UBE2L3: variants seen among roughly 807,000 people sequenced by gnomAD.
The protein encoded by UBE2L3 is ubiquitin conjugating enzyme E2 L3, also known as ubiquitin-conjugating enzyme E2 L3.
In UBE2L3, 1 loss-of-function variant was observed where a neutral mutation model predicts 17.8. The observed-to-expected ratio is 0.06, with a 90% CI of 0.02 to 0.27. The LOEUF (loss-of-function observed/expected upper bound fraction) is 0.27, where lower values mean the gene tolerates loss of function less well. UBE2L3 is among the 10% of genes least tolerant of loss of function. The pLI, the probability that UBE2L3 is intolerant of heterozygous loss-of-function variation, is 1.00. For synonymous variants in UBE2L3, 44 were observed against 68.5 expected (o/e 0.64, Z 1.76); for missense variants, 40 against 192.6 (o/e 0.21, Z 4.69).
intron 1 of UBE2L3, among the ~76,000 whole-genome samples, chr22:21,583,132 C>G (rs564275582): frequency 6.6e-6 from 1 of 152,298 alleles, no homozygotes; most frequent in South Asian, 2.1e-4. Flanking sequence ...CTTTCTGCTT[C>G]CCTAACGCCC....
intron 2 of UBE2L3, among the ~76,000 whole-genome samples, chr22:21,602,537 G>A (rs1169001664): frequency 6.6e-6 from 1 of 152,190 alleles, no homozygotes; most frequent in African/African-American, 2.4e-5. Flanking sequence ...AGTGGAATGG[G>A]GTTTTAGGAT....
chr22:21,612,516 G>A (rs1266448043), intron 3 of UBE2L3, among the ~76,000 whole-genome samples: 1 of 151,278 alleles, frequency 6.6e-6, no homozygotes, highest in Non-Finnish European at 1.5e-5. Context: ...TAGTAGAGAC[G>A]GGGTTTCACC....
At chr22:21,583,758 T>C (rs1455501863) in intron 1 of UBE2L3, among the ~76,000 whole-genome samples, 2 of 152,234 alleles carry the variant, frequency 1.3e-5, no homozygotes, top group Non-Finnish European at 2.9e-5. Context: ...AAGGTAGCAT[T>C]AAAGAGTTTG....
chr22:21,563,272 C>T (rs982093001), upstream of UBE2L3, among the ~76,000 whole-genome samples: 1 of 137,612 alleles, frequency 7.3e-6, no homozygotes, highest in Admixed American at 7.5e-5. Context: ...TTATTACTGG[C>T]CGGGTGTGGT....
intron 2 of UBE2L3, among the ~76,000 whole-genome samples, chr22:21,609,166 G>C (rs1382453052): frequency 6.6e-6 from 1 of 152,080 alleles, no homozygotes; most frequent in Non-Finnish European, 1.5e-5. Context: ...CAAAGTGCTG[G>C]GATTACAGGC....
chr22:21,593,040 G>A (rs918634955), intron 2 of UBE2L3, 84 bp downstream of exon 2: 6 of 1,219,680 alleles, frequency 4.9e-6, no homozygotes, highest in South Asian at 1.2e-5. Context: ...CTGCTCCTTA[G>A]TAGGCTCTTA....
At chr22:21,589,555 G>A (rs1246431342) in intron 1 of UBE2L3, among the ~76,000 whole-genome samples, 1 of 152,194 alleles carries the variant, frequency 6.6e-6, no homozygotes, top group Non-Finnish European at 1.5e-5. Flanking sequence ...AGTAGAAGCT[G>A]TAGAGGATGT....
rs139723991 is a variant in UBE2L3 at position 21,593,189 on chromosome 22, T to G, written c.123+233T>G. Reference sequence around the variant, plus strand: ...CAGGGAGTCCTGAGCTTTGCAGATCTGTAGACACAGAGAAAAGGAGTGTGT... The same window carrying G: ...CAGGGAGTCCTGAGCTTTGCAGATCGGTAGACACAGAGAAAAGGAGTGTGT... On this transcript the variant is annotated intron_variant, in intron 2 of 3. Transcript: ENST00000342192. 7.0e-3 allele frequency among the ~76,000 whole-genome samples: 1,067 copies of G among 152,234 alleles called. 5 individuals carry two copies. The highest frequency in any genetic ancestry group is 0.02 in the Middle Eastern group (6 of 294).
At chr22:21,567,988 G>A in intron 1 of UBE2L3, 1 of 1,364,956 alleles carries the variant, frequency 7.3e-7, no homozygotes, top group Non-Finnish European at 9.4e-7. Context: ...AGCCGCTGTC[G>A]GCCCCTCAGC....
intron 1 of UBE2L3, among the ~76,000 whole-genome samples, chr22:21,556,989 G>T (rs1416240786): frequency 3.9e-5 from 6 of 152,250 alleles, no homozygotes; most frequent in Non-Finnish European, 8.8e-5. Context: ...AGGAGGTGGA[G>T]GTTGCAGTGA....
At chr22:21,567,680 G>A (rs1601389381), upstream of UBE2L3, 1 of 1,554,088 alleles carries the variant, frequency 6.4e-7, no homozygotes, top group Non-Finnish European at 8.7e-7. Context: ...TCCAGGAAGT[G>A]CGGGGGCTCC....
chr22:21,597,916 A>G (rs982562897), intron 2 of UBE2L3, among the ~76,000 whole-genome samples: 2 of 146,894 alleles, frequency 1.4e-5, no homozygotes, highest in African/African-American at 5.0e-5. Context: ...CAGCCTCCAG[A>G]GTAGCTGGTA....
intron 2 of UBE2L3, among the ~76,000 whole-genome samples, chr22:21,604,947 T>G (rs1395840902): frequency 6.6e-6 from 1 of 152,174 alleles, no homozygotes; most frequent in Non-Finnish European, 1.5e-5. Context: ...TTTTTTTTCC[T>G]TCCTCTTTTT....
intron 1 of UBE2L3, among the ~76,000 whole-genome samples, chr22:21,586,660 C>A (rs1432357434): frequency 6.6e-6 from 1 of 151,712 alleles, no homozygotes; most frequent in Non-Finnish European, 1.5e-5. Flanking sequence ...CTCCACCTCC[C>A]GGATTCCAGT....
upstream of UBE2L3, among the ~76,000 whole-genome samples, chr22:21,565,678 G>A (rs551185651): frequency 6.8e-5 from 10 of 146,754 alleles, no homozygotes; most frequent in South Asian, 2.2e-4. Flanking sequence ...ACTTGAACCC[G>A]GGAGGCAGAG....
intron 2 of UBE2L3, among the ~76,000 whole-genome samples, chr22:21,595,038 C>G (rs16978883): frequency 0.031 from 4,677 of 152,236 alleles, 239 homozygotes; most frequent in African/African-American, 0.11. Context: ...CAAAGGCCTC[C>G]CTCTGGTTTC....
At chr22:21,558,547 C>T (rs1158914945) in intron 1 of UBE2L3, among the ~76,000 whole-genome samples, 6 of 148,232 alleles carry the variant, frequency 4.0e-5, no homozygotes, top group African/African-American at 1.2e-4. Flanking sequence ...AGGAGAATGG[C>T]GTGAACCCGG....
Position 21,623,360 on chromosome 22 carries a change from T to C in UBE2L3, c.*1691T>C, listed in dbSNP as rs1315273819. 1 of 152,770 alleles carries C rather than the reference T, an allele frequency of 6.5e-6. No individual in the cohort carries two copies. The highest frequency in any genetic ancestry group is 1.5e-5 in the Non-Finnish European group (1 of 68,040). 9.5% of individuals were successfully genotyped at this position (152,770 alleles called of 1,614,324 possible). A position where few individuals can be genotyped will look rare whatever the true frequency, so the allele number is the denominator to read the frequency against. On this transcript the variant is annotated 3_prime_UTR_variant, in exon 4 of 4. Transcript: ENST00000342192. Reference sequence around the variant, plus strand: ...GGGCAGGTTTCTGGAGACTCCCTTGTGCCCGGGATGGCAAGGGCACCGGGC... The same window carrying C: ...GGGCAGGTTTCTGGAGACTCCCTTGCGCCCGGGATGGCAAGGGCACCGGGC...
At chr22:21,562,198 C>CTTT (rs1050849043) in intron 1 of UBE2L3, among the ~76,000 whole-genome samples, 3 of 133,352 alleles carry the variant, frequency 2.2e-5, no homozygotes, top group Non-Finnish European at 3.2e-5. Flanking sequence ...TTTTTTTTTT[C>CTTT]TTTTTTTTTT....
Sources: allele counts gnomAD v4.1 joint callset (sites outside exome capture counted in the v4.1 genomes callset), GRCh38; gene constraint gnomAD v4.1.1; transcripts MANE v1.5; gene names NCBI Gene and HGNC (gene_info 2026-07-23, HGNC 2026-07-21).